The following LRP11 variants were observed in gnomAD, a reference collection of about 807,000 sequenced individuals.
LRP11 encodes the protein LDL receptor related protein 11.
LRP11 carries 25 observed loss-of-function variants against 43.1 expected under a neutral mutation model. That is an observed-to-expected ratio of 0.58 (90% CI 0.42 to 0.81). LRP11 has a LOEUF of 0.81. Ranked by LOEUF, LRP11 falls within the 30% of genes least tolerant of loss-of-function variation. LRP11 has a pLI of 0.00. For missense variants in LRP11, 623 were observed against 665.1 expected (o/e 0.94, Z 0.70); for synonymous variants, 316 against 299.4 (o/e 1.06, Z -0.57).
intron 1 of LRP11, among the ~76,000 whole-genome samples, chr6:149,857,966 A>T (rs1370086056): frequency 7.2e-5 from 11 of 152,216 alleles, no homozygotes; most frequent in Non-Finnish European, 1.5e-5. Flanking sequence ...TATCATCTGC[A>T]TAATACTGAT....
At position 149,827,908 on chromosome 6, in the gene LRP11, G is replaced by A. The variant is rs566077111; in HGVS notation, c.1253-1549C>T. ...GGCATGGTGGGCGCCTGTAGTCCCA[G>A]CTGCTGGGGAGGCTGAGGCAGGAGA... On this transcript the variant is annotated intron_variant, in intron 5 of 6. Coordinates refer to ENST00000239367, the MANE Select transcript of LRP11 (RefSeq NM_032832.6). The surrounding 1 kb of genome is among the most constrained non-coding windows in gnomAD (Gnocchi z 4.2). Among the ~76,000 whole-genome samples, 69 of 152,138 alleles carry A rather than the reference G, an allele frequency of 4.5e-4. No homozygotes were observed. Among genetic ancestry groups the A allele is most frequent in the African/African-American group, 1.6e-3 (68 of 41,486 alleles).
At chr6:149,829,036 C>T (rs1347405931) in intron 5 of LRP11, among the ~76,000 whole-genome samples, 1 of 152,100 alleles carries the variant, frequency 6.6e-6, no homozygotes, top group Non-Finnish European at 1.5e-5. Flanking sequence ...CATCCAGCAG[C>T]CGCACACACA....
At chr6:149,824,146 AC>A (rs752416107) in intron 6 of LRP11, among the ~76,000 whole-genome samples, 1 of 152,214 alleles carries the variant, frequency 6.6e-6, no homozygotes, top group African/African-American at 2.4e-5. Context: ...GGACCGCAAC[AC>A]CCAGCCCCAG....
At position 149,863,834 on chromosome 6, in the gene LRP11, G is replaced by A. The variant is rs748217724; in HGVS notation, c.187C>T (p.Arg63Cys). The change falls in exon 1 of 7, where the codon CGC (arginine) becomes TGC (cysteine). Residue 63 changes from arginine (R) to cysteine (C), a missense_variant. By Grantham distance (180) the Arg-to-Cys change is radical (BLOSUM62 -3). Transcript: ENST00000239367. ...GGCCGCTCCTGCTGCAGTTGCCGGC[G>A]GAACTCCTCCAGCAGCTGCTCCACG... Reference protein sequence around the residue: ...SGVEQLLEEFRRQLQQERPQE... With the variant: ...SGVEQLLEEFCRQLQQERPQE... The A allele has an allele frequency of 1.8e-5, 27 of 1,511,740 alleles. No homozygotes were observed. Among genetic ancestry groups the A allele is most frequent in the Non-Finnish European group, 2.3e-5 (26 of 1,139,160 alleles). The allele number at this position is 1,511,740 out of a possible 1,614,324, so 93.6% of individuals were successfully genotyped here.
At position 149,853,003 on chromosome 6, in the gene LRP11, C is replaced by T. The variant is rs1209449113; in HGVS notation, c.771G>A (p.Lys257=). ...LLQGDPSVDM[K]VPQSGTLKLS... ...TGTTAGCAGTGACAACATGCGTTAC[C>T]TTCATGTCCACTGACGGGTCCCCCT... is the stretch of plus-strand genomic sequence containing the variant. The change falls in exon 2 of 7, where the codon AAG becomes AAA. Residue 257 remains lysine (K), a splice_region_variant and synonymous_variant. Transcript: ENST00000239367. 1 of 1,588,324 alleles carries T rather than the reference C, an allele frequency of 6.3e-7. No homozygotes were observed. The highest frequency in any genetic ancestry group is 1.4e-5 in the African/African-American group (1 of 73,482).
chr6:149,860,719 A>G (rs1776879241), intron 1 of LRP11, among the ~76,000 whole-genome samples: 2 of 152,086 alleles, frequency 1.3e-5, no homozygotes, highest in South Asian at 4.1e-4. Context: ...TCTCTCCAGC[A>G]TCTCTCACTC....
At chr6:149,859,811 G>A (rs1583099212) in intron 1 of LRP11, among the ~76,000 whole-genome samples, 2 of 151,778 alleles carry the variant, frequency 1.3e-5, no homozygotes, top group East Asian at 3.9e-4. Flanking sequence ...CCCTTTCTTT[G>A]TGACCTCTTT....
chr6:149,851,495 G>GGTCT (rs1562444836), intron 2 of LRP11, among the ~76,000 whole-genome samples: 2 of 152,270 alleles, frequency 1.3e-5, no homozygotes, highest in African/African-American at 4.8e-5. Flanking sequence ...AATTGGTGAT[G>GGTCT]TTCTTTCTTT....
chr6:149,839,070 T>TC (rs1232514551), intron 3 of LRP11, among the ~76,000 whole-genome samples: 2 of 151,716 alleles, frequency 1.3e-5, no homozygotes, highest in African/African-American at 4.8e-5. Flanking sequence ...TGTTTTTTTT[T>TC]TTTTTGTAGA....
intron 1 of LRP11, 91 bp from the exon 2 acceptor site, chr6:149,853,251 C>T (rs377546205): frequency 2.3e-5 from 22 of 957,290 alleles, no homozygotes; most frequent in African/African-American, 1.0e-4. Context: ...AGATATGATT[C>T]GGCAAATAAC....
chr6:149,847,808 T>C (rs542701628), intron 2 of LRP11, among the ~76,000 whole-genome samples: 72 of 146,396 alleles, frequency 4.9e-4, no homozygotes, highest in Non-Finnish European at 8.0e-4. Flanking sequence ...GCTTCTCATA[T>C]ATGTCTAAAC....
chr6:149,826,387 G>T, intron 5 of LRP11, 28 bp from the exon 6 acceptor site: 1 of 1,503,908 alleles, frequency 6.6e-7, no homozygotes. Flanking sequence ...AACATATATT[G>T]AAGGTGTATG....
At chr6:149,842,821 G>A in intron 3 of LRP11, 162 bp downstream of exon 3, 1 of 1,201,718 alleles carries the variant, frequency 8.3e-7, no homozygotes. Context: ...AAACAGAAGA[G>A]AGCCTGCTTT....
intron 4 of LRP11, 67 bp downstream of exon 4, chr6:149,837,271 C>T: frequency 6.5e-7 from 1 of 1,539,388 alleles, no homozygotes; most frequent in Non-Finnish European, 8.8e-7. Context: ...ATTTCATTCT[C>T]AGAACACAGA....
intron 6 of LRP11, among the ~76,000 whole-genome samples, chr6:149,822,501 TAAAAAAAAA>T (rs35135120): frequency 7.0e-6 from 1 of 143,696 alleles, no homozygotes. Context: ...GATCCTGTCT[TAAAAAAAAA>T]AAAAAAAAAG....
rs1233731320 is a variant in LRP11, at chr6:149,827,810, C to T, written c.1253-1451G>A. Among the ~76,000 whole-genome samples, 1 of 152,148 alleles carries T rather than the reference C, an allele frequency of 6.6e-6. No individual in the cohort carries two copies. Among genetic ancestry groups the T allele is most frequent in the African/African-American group, 2.4e-5 (1 of 41,430 alleles). ...CTATAAGATTGTATTACATAAGGGC[C>T]GCACGCAGTGGCTCATGCCTGGCCA... On this transcript the variant is annotated intron_variant, in intron 5 of 6. Transcript: ENST00000239367. The surrounding 1 kb of genome is among the most constrained non-coding windows in gnomAD (Gnocchi z 4.2).
rs1226914210 is a variant in LRP11, at chr6:149,864,085, G to GGCGCGA, written c.-66_-65insTCGCGC. ...AGCGCGGGAGGAAGGCGGGGACGCG[G>GGCGCGA]GCGAGCGCGGGCCCTGGGCCCCTCC... On this transcript the variant is annotated 5_prime_UTR_variant, in exon 1 of 7. Transcript: ENST00000239367. The GGCGCGA allele has an allele frequency of 1.6e-6, 2 of 1,238,438 alleles. No individual in the cohort carries two copies. Among genetic ancestry groups the GGCGCGA allele is most frequent in the African/African-American group, 3.2e-5 (2 of 63,254 alleles). The allele number at this position is 1,238,438 out of a possible 1,614,324, so 76.7% of individuals were successfully genotyped here. A position where few individuals can be genotyped will look rare whatever the true frequency, so the allele number is the denominator to read the frequency against.
rs982351879 is a variant in LRP11, at chr6:149,863,585, C to T, written c.436G>A (p.Glu146Lys). ...GGGGGCGCGGGGCGCCGGGGCAGCT[C>T]CACCACGGCCACGGAGCAGCGCGGC... ...SEPRCSVAVV[E>K]LPRRPAPPAA... The change falls in exon 1 of 7, where the codon GAG (glutamate) becomes AAG (lysine). Residue 146 changes from glutamate to lysine, a missense_variant. Physicochemically the swap from Glu to Lys is moderately conservative, Grantham distance 56. Transcript: ENST00000239367. 1 of 1,422,036 alleles carries T rather than the reference C, an allele frequency of 7.0e-7. No individual in the cohort carries two copies. Among genetic ancestry groups the T allele is most frequent in the African/African-American group, 1.5e-5 (1 of 66,992 alleles). 88.1% of individuals were successfully genotyped at this position (1,422,036 alleles called of 1,614,324 possible).
chr6:149,861,027 G>T (rs1386798247), intron 1 of LRP11, among the ~76,000 whole-genome samples: 1 of 152,202 alleles, frequency 6.6e-6, no homozygotes. Flanking sequence ...CAGGGCTGGT[G>T]TGTCCTGCTG....
Sources: gnomAD v4.1 joint callset for allele counts (sites outside exome capture counted in the v4.1 genomes callset) on GRCh38, gnomAD v4.1.1 for gene constraint, Gnocchi (gnomAD v3.1) non-coding constraint, MANE v1.5 for transcripts, NCBI Gene and HGNC (gene_info 2026-07-23, HGNC 2026-07-21) for gene names.